HNMT: variants seen among roughly 807,000 people sequenced by gnomAD.
The protein encoded by HNMT is histamine N-methyltransferase.
Under a neutral mutation model 32.1 loss-of-function variants are expected in HNMT, and 30 were observed. The ratio of observed to expected loss-of-function variants is 0.93; its 90% CI spans 0.70 to 1.27. HNMT has a LOEUF of 1.27. Ranked by LOEUF, HNMT falls within the 50% of genes most tolerant of loss-of-function variation. HNMT has a pLI of 0.00. For missense variants in HNMT, 327 were observed against 346.0 expected (o/e 0.95, Z 0.43); for synonymous variants, 125 against 119.0 (o/e 1.05, Z -0.33).
At chr2:138,011,597 A>G (rs960988681) in intron 5 of HNMT, among the ~76,000 whole-genome samples, 5 of 152,104 alleles carry the variant, frequency 3.3e-5, no homozygotes, top group African/African-American at 1.2e-4. Context: ...GCATTCTATA[A>G]TCTTATGCAG....
intron 2 of HNMT, among the ~76,000 whole-genome samples, chr2:137,984,446 T>C (rs535054756): frequency 6.6e-6 from 1 of 152,330 alleles, no homozygotes; most frequent in Non-Finnish European, 1.5e-5. Context: ...CATTTTAATT[T>C]TCATCTCTTT....
At chr2:138,008,112 T>C (rs1019462376) in intron 5 of HNMT, among the ~76,000 whole-genome samples, 2 of 151,970 alleles carry the variant, frequency 1.3e-5, no homozygotes, top group African/African-American at 4.8e-5. Context: ...TACCCAATAA[T>C]AATCTTTTCT....
chr2:137,970,304 T>C, intron 2 of HNMT, 87 bp downstream of exon 2: 2 of 643,440 alleles, frequency 3.1e-6, no homozygotes, highest in Non-Finnish European at 5.1e-6. Context: ...TAGGAAGACT[T>C]TTTTTTTTTG....
chr2:137,981,162 G>T, intron 2 of HNMT: 3 of 1,553,210 alleles, frequency 1.9e-6, no homozygotes, highest in Non-Finnish European at 1.7e-6. Context: ...GGCTGAAATC[G>T]AATGGCAGGA....
intron 3 of HNMT, among the ~76,000 whole-genome samples, chr2:138,001,675 G>A (rs1001516720): frequency 2.6e-5 from 4 of 151,954 alleles, no homozygotes; most frequent in Non-Finnish European, 4.4e-5. Context: ...TTTAGCTTGC[G>A]GTTCATACAA....
chr2:137,970,565 AAACCTTGT>A (rs1248464816), intron 2 of HNMT, among the ~76,000 whole-genome samples: 4 of 152,180 alleles, frequency 2.6e-5, no homozygotes, highest in African/African-American at 9.7e-5. Flanking sequence ...GTGCCATTTA[AAACCTTGT>A]TCATGGACTG....
chr2:137,999,136 T>C (rs979605309), intron 2 of HNMT, among the ~76,000 whole-genome samples: 8 of 152,182 alleles, frequency 5.3e-5, no homozygotes, highest in African/African-American at 7.2e-5. Flanking sequence ...ACTTCAGGTA[T>C]ATCAATATCC....
At chr2:137,970,690 G>C (rs1302470897) in intron 2 of HNMT, among the ~76,000 whole-genome samples, 4 of 152,092 alleles carry the variant, frequency 2.6e-5, no homozygotes, top group African/African-American at 7.2e-5. Context: ...GGAGGCTGAG[G>C]GGGGCGGATC....
intron 2 of HNMT, among the ~76,000 whole-genome samples, chr2:137,994,109 C>A (rs185170939): frequency 6.6e-6 from 1 of 152,244 alleles, no homozygotes; most frequent in Non-Finnish European, 1.5e-5. Flanking sequence ...GAAACTGCAA[C>A]AACTAGTGTA....
At chr2:137,969,586 CCTACTGG>C (rs1278568239) in intron 1 of HNMT, among the ~76,000 whole-genome samples, 1 of 152,116 alleles carries the variant, frequency 6.6e-6, no homozygotes. Context: ...AACAGCAAGT[CCTACTGG>C]CTTATTTCCC....
At chr2:137,976,285 A>G (rs1252901457) in intron 2 of HNMT, among the ~76,000 whole-genome samples, 1 of 151,806 alleles carries the variant, frequency 6.6e-6, no homozygotes, top group Non-Finnish European at 1.5e-5. Context: ...AAAAACAAAA[A>G]AAAAAAAACC....
At chr2:137,997,413 T>C (rs1445039971) in intron 2 of HNMT, among the ~76,000 whole-genome samples, 1 of 151,802 alleles carries the variant, frequency 6.6e-6, no homozygotes, top group African/African-American at 2.4e-5. Flanking sequence ...CCAACAAACA[T>C]ATGAAAAAAA....
chr2:137,987,615 T>C (rs1680687148), intron 2 of HNMT, among the ~76,000 whole-genome samples: 1 of 147,700 alleles, frequency 6.8e-6, no homozygotes, highest in Admixed American at 6.8e-5. Flanking sequence ...TTTTTTTTTT[T>C]TTTTTTTTTT....
At chr2:137,964,898 C>T (rs1205313106) in intron 1 of HNMT, among the ~76,000 whole-genome samples, 1 of 152,188 alleles carries the variant, frequency 6.6e-6, no homozygotes, top group African/African-American at 2.4e-5. Context: ...AGGCACAAAT[C>T]CATGTTCATT....
intron 2 of HNMT, among the ~76,000 whole-genome samples, chr2:137,999,676 A>C (rs1223210118): frequency 6.6e-6 from 1 of 152,138 alleles, no homozygotes; most frequent in Non-Finnish European, 1.5e-5. Flanking sequence ...AGGTATTTCC[A>C]TTTTAGTGAA....
intron 2 of HNMT, among the ~76,000 whole-genome samples, chr2:137,989,335 C>A (rs1680747779): frequency 6.6e-6 from 1 of 152,108 alleles, no homozygotes; most frequent in Admixed American, 6.5e-5. Flanking sequence ...AGCATGTAAC[C>A]TTTTCATATT....
At position 137,967,863 on chromosome 2, in the gene HNMT, G is replaced by A. The variant is rs867746471; in HGVS notation, c.138-2302G>A. ...AATACCTTCTTATTCATTACAAAATGTTCCTCTGCTCTCTCTGCCTCTTTC... is the reference window on the plus strand; with the variant it reads ...AATACCTTCTTATTCATTACAAAATATTCCTCTGCTCTCTCTGCCTCTTTC... On this transcript the variant is annotated intron_variant, in intron 1 of 5. Coordinates refer to ENST00000280097, the MANE Select transcript of HNMT (RefSeq NM_006895.3). Among the ~76,000 whole-genome samples, 17 of 152,128 alleles carry A rather than the reference G, an allele frequency of 1.1e-4. No individual in the cohort carries two copies. The Middle Eastern group carries it at 0.034, about 304-fold the overall frequency.
chr2:138,015,717 TG>T lies in HNMT; in HGVS notation c.*1590del, dbSNP rs1202470160. ...AAATCTGTGAGGCACACATGATTGA[TG>T]GGTATGGGGCCATGAAGACCTTGAA... is the stretch of plus-strand genomic sequence containing the variant. On this transcript the variant is annotated 3_prime_UTR_variant, in exon 6 of 6. Transcript: ENST00000280097. The T allele has an allele frequency of 1.3e-5, 2 of 152,142 alleles. No individual in the cohort carries two copies. The highest frequency in any genetic ancestry group is 2.9e-5 in the Non-Finnish European group (2 of 68,010). The allele number at this position is 152,142 out of a possible 1,614,324, so 9.4% of individuals were successfully genotyped here.
chr2:138,012,364 G>A (rs1178574746), intron 5 of HNMT, among the ~76,000 whole-genome samples: 1 of 152,014 alleles, frequency 6.6e-6, no homozygotes, highest in African/African-American at 2.4e-5. Flanking sequence ...AAGGTATTCC[G>A]TAGCTTCTCT....
Sources: gnomAD v4.1 joint callset for allele counts (sites outside exome capture counted in the v4.1 genomes callset) on GRCh38, gnomAD v4.1.1 for gene constraint, MANE v1.5 for transcripts, NCBI Gene and HGNC (gene_info 2026-07-23, HGNC 2026-07-21) for gene names.